The following ADAM7 variants were observed in gnomAD, a reference collection of about 807,000 sequenced individuals.
The protein encoded by ADAM7 is disintegrin and metalloproteinase domain-containing protein 7.
Under a neutral mutation model 102.9 loss-of-function variants are expected in ADAM7, and 97 were observed. That is an observed-to-expected ratio of 0.94 (90% CI 0.80 to 1.12). The LOEUF is 1.12. Ranked by LOEUF, ADAM7 falls within the 50% of genes most tolerant of loss-of-function variation. The pLI, the probability that ADAM7 is intolerant of heterozygous loss-of-function variation, is 0.00. For missense variants in ADAM7, 991 were observed against 908.7 expected (o/e 1.09, Z -1.16); for synonymous variants, 334 against 304.4 (o/e 1.10, Z -1.01).
At position 24,466,836 on chromosome 8, in the gene ADAM7, G is replaced by A; in HGVS notation, c.427G>A (p.Glu143Lys). Residue 143 changes from glutamate to lysine, a missense_variant, in exon 6 of 22, where the codon GAA (glutamate) becomes AAA (lysine). Transcript: ENST00000175238. ...FRINDQRYLI[E>K]PVKYSDEGEH... ...AATAAACGACCAAAGATACCTCATT[G>A]AACCAGTGAAATACTCAGATGAGGG... 6.2e-6 allele frequency: 10 copies of A among 1,613,810 alleles called. No individual in the cohort carries two copies. The highest frequency in any genetic ancestry group is 8.5e-6 in the Non-Finnish European group (10 of 1,179,898).
intron 12 of ADAM7, among the ~76,000 whole-genome samples, chr8:24,489,968 A>G (rs1820284596): frequency 6.6e-6 from 1 of 152,194 alleles, no homozygotes; most frequent in African/African-American, 2.4e-5. Flanking sequence ...ACCAGGGGAC[A>G]TTGTTAAAAT....
Position 24,482,230 on chromosome 8 carries a change from A to T in ADAM7, c.794A>T (p.Glu265Val). 6.2e-7 allele frequency: 1 copy of T among 1,610,616 alleles called. No individual in the cohort carries two copies. Residue 265 changes from glutamate to valine, a missense_variant, in exon 9 of 22, where the codon GAA (glutamate) becomes GTA (valine). Transcript: ENST00000175238. ...AAAATAGAACTATATTCAAATATAG[A>T]AACTACCTTATTGCGTTTTTCATTT... ...EDKIELYSNI[E>V]TTLLRFSFWQ... is the part of the protein sequence containing the mutation.
chr8:24,496,133 C>T (rs2129394089), intron 16 of ADAM7, among the ~76,000 whole-genome samples: 1 of 152,308 alleles, frequency 6.6e-6, no homozygotes, highest in East Asian at 1.9e-4. Flanking sequence ...GACTAAAAGG[C>T]TCCAAGGTAC....
intron 16 of ADAM7, among the ~76,000 whole-genome samples, chr8:24,494,010 A>G (rs1820469871): frequency 6.6e-6 from 1 of 152,188 alleles, no homozygotes. Context: ...TACTCTAAAC[A>G]ATAGCTGGCT....
Position 24,491,934 on chromosome 8 carries a change from C to T in ADAM7, c.1388C>T (p.Ala463Val), listed in dbSNP as rs1173589877. Residue 463 changes from alanine (A) to valine (V), a missense_variant, in exon 14 of 22, where the codon GCG (alanine) becomes GTG (valine). Coordinates refer to ENST00000175238, the MANE Select transcript of ADAM7 (RefSeq NM_003817.4). ...IKKAGSICRP[A>V]KDECDFPEMC... ...AAAGCAGGGTCCATATGCAGACCGG[C>T]GAAAGATGAATGTGATTTTCCTGAG... The T allele has an allele frequency of 2.2e-5, 36 of 1,612,458 alleles. No individual in the cohort carries two copies. Among genetic ancestry groups the T allele is most frequent in the African/African-American group, 2.7e-5 (2 of 74,814 alleles).
chr8:24,465,146 A>C (rs1334366724), intron 4 of ADAM7, among the ~76,000 whole-genome samples: 2 of 152,178 alleles, frequency 1.3e-5, no homozygotes, highest in Admixed American at 1.3e-4. Context: ...GACAAGAGGA[A>C]AACTGGGTAA....
intron 20 of ADAM7, among the ~76,000 whole-genome samples, chr8:24,504,061 AAT>A (rs1165777880): frequency 2.7e-5 from 4 of 149,292 alleles, no homozygotes; most frequent in African/African-American, 1.0e-4. Flanking sequence ...AATAAAATAA[AAT>A]AAATAAAATA....
At chr8:24,496,254 G>A (rs76974558) in intron 16 of ADAM7, among the ~76,000 whole-genome samples, 10,641 of 152,302 alleles carry the variant, frequency 0.07, 464 homozygotes, top group Admixed American at 0.11. Flanking sequence ...GAACCTCAGC[G>A]TAGATTTCAG....
chr8:24,472,128 A>C (rs1407769406), intron 7 of ADAM7, among the ~76,000 whole-genome samples: 2 of 151,208 alleles, frequency 1.3e-5, no homozygotes, highest in Non-Finnish European at 1.5e-5. Context: ...ATAACAAAAA[A>C]AAAAAAAAAA....
chr8:24,476,576 C>A (rs1049061249), intron 8 of ADAM7, 72 bp downstream of exon 8: 1 of 1,253,336 alleles, frequency 8.0e-7, no homozygotes, highest in Non-Finnish European at 1.2e-6. Context: ...CAGTTCTCTG[C>A]TGGACTATTG....
chr8:24,453,527 T>C (rs1818882604), intron 3 of ADAM7, among the ~76,000 whole-genome samples: 1 of 152,188 alleles, frequency 6.6e-6, no homozygotes, highest in Admixed American at 6.5e-5. Context: ...CTTCTCTGTA[T>C]TGGTTATTCT....
At chr8:24,447,152 A>G (rs1818589888) in intron 2 of ADAM7, 34 bp from the exon 3 acceptor site, 2 of 1,288,666 alleles carry the variant, frequency 1.6e-6, no homozygotes, top group South Asian at 1.3e-5. Context: ...AAATGAGCCC[A>G]TGTTGAAGTC....
intron 6 of ADAM7, chr8:24,467,270 G>T: frequency 2.1e-6 from 1 of 476,058 alleles, no homozygotes; most frequent in Non-Finnish European, 3.7e-6. Context: ...AATTTTCAAT[G>T]TCCTAAAACC....
intron 8 of ADAM7, 114 bp downstream of exon 8, chr8:24,476,618 C>G (rs1459060650): frequency 3.0e-6 from 2 of 674,232 alleles, no homozygotes; most frequent in Non-Finnish European, 2.4e-6. Context: ...GTACAAAGCA[C>G]AAAGACTAAT....
At chr8:24,443,247 A>C (rs1818435643) in intron 2 of ADAM7, among the ~76,000 whole-genome samples, 1 of 152,122 alleles carries the variant, frequency 6.6e-6, no homozygotes, top group Admixed American at 6.5e-5. Flanking sequence ...CGTTGCCCAA[A>C]CGTACTATGG....
intron 9 of ADAM7, 84 bp downstream of exon 9, chr8:24,482,395 T>A (rs530048532): frequency 7.1e-7 from 1 of 1,405,604 alleles, no homozygotes; most frequent in Non-Finnish European, 9.7e-7. Flanking sequence ...AAAAAAACAT[T>A]TTTTAAGCAT....
At chr8:24,459,030 G>C (rs1221612677) in intron 3 of ADAM7, among the ~76,000 whole-genome samples, 1 of 151,836 alleles carries the variant, frequency 6.6e-6, no homozygotes, top group Non-Finnish European at 1.5e-5. Flanking sequence ...TTTGATGATA[G>C]ATTATGTTGT....
intron 17 of ADAM7, 143 bp from the exon 18 acceptor site, chr8:24,500,035 A>T: frequency 1.8e-6 from 1 of 543,276 alleles, no homozygotes; most frequent in Non-Finnish European, 3.1e-6. Context: ...TGATTTTGTT[A>T]CACAGTTTAA....
At chr8:24,484,710 A>T (rs1182505931) in intron 9 of ADAM7, among the ~76,000 whole-genome samples, 1 of 152,076 alleles carries the variant, frequency 6.6e-6, no homozygotes, top group East Asian at 1.9e-4. Flanking sequence ...AGTAGACTAA[A>T]GTAAAATGGG....
Sources: allele counts gnomAD v4.1 joint callset (sites outside exome capture counted in the v4.1 genomes callset), GRCh38; gene constraint gnomAD v4.1.1; transcripts MANE v1.5; gene names NCBI Gene and HGNC (gene_info 2026-07-23, HGNC 2026-07-21).